The following MCHR2 variants were observed in gnomAD, a reference collection of about 807,000 sequenced individuals.
MCHR2 encodes the protein melanin concentrating hormone receptor 2, also known as melanin-concentrating hormone receptor 2.
In MCHR2, 15 loss-of-function variants were observed where a neutral mutation model predicts 24.8. The ratio of observed to expected loss-of-function variants is 0.60; its 90% CI spans 0.40 to 0.93. MCHR2 has a LOEUF of 0.93. Ranked by LOEUF, MCHR2 falls within the 40% of genes least tolerant of loss-of-function variation. The pLI is 0.00. For synonymous variants in MCHR2, 151 were observed against 147.6 expected, an observed-to-expected ratio of 1.02 and a Z score of -0.17; for missense variants, 386 against 408.7, an observed-to-expected ratio of 0.94 and a Z score of 0.48.
chr6:99,927,576 G>A (rs1582368640), intron 5 of MCHR2, among the ~76,000 whole-genome samples: 1 of 152,002 alleles, frequency 6.6e-6, no homozygotes, highest in Non-Finnish European at 1.5e-5. Context: ...GGATTCCTAG[G>A]TATTTTATTC....
chr6:99,926,128 TCCAATTTCATC>T (rs1333872185), intron 5 of MCHR2, among the ~76,000 whole-genome samples: 2 of 152,150 alleles, frequency 1.3e-5, no homozygotes, highest in African/African-American at 4.8e-5. Context: ...AATGATGATT[TCCAATTTCATC>T]CATGTCCCTA....
At chr6:99,924,069 T>C (rs1301264844) in intron 5 of MCHR2, among the ~76,000 whole-genome samples, 3 of 152,128 alleles carry the variant, frequency 2.0e-5, no homozygotes, top group Non-Finnish European at 4.4e-5. Context: ...CTTTTAATTA[T>C]GGCTTTGATC....
At chr6:99,960,942 G>C (rs914983368) in intron 1 of MCHR2, among the ~76,000 whole-genome samples, 1 of 151,952 alleles carries the variant, frequency 6.6e-6, no homozygotes, top group Non-Finnish European at 1.5e-5. Context: ...TGACTAAAAT[G>C]CCAAAAGCAA....
chr6:99,938,944 C>T (rs1396697360), intron 4 of MCHR2, among the ~76,000 whole-genome samples: 2 of 151,838 alleles, frequency 1.3e-5, no homozygotes, highest in African/African-American at 4.8e-5. Context: ...ATATAGTGAC[C>T]TTCTTTGTCT....
chr6:99,980,454 G>A (rs1158553448), intron 1 of MCHR2, among the ~76,000 whole-genome samples: 1 of 152,150 alleles, frequency 6.6e-6, no homozygotes, highest in African/African-American at 2.4e-5. Context: ...TAATTCTATA[G>A]AACTATGGTT....
rs201240762 is a variant in MCHR2 at position 99,993,979 on chromosome 6, C to A, written c.-71G>T. 4 of 152,212 alleles carry A rather than the reference C, an allele frequency of 2.6e-5. No individual in the cohort carries two copies. Among genetic ancestry groups the A allele is most frequent in the Admixed American group, 2.0e-4 (3 of 15,284 alleles). The allele number at this position is 152,212 out of a possible 1,614,324, so 9.4% of individuals were successfully genotyped here. On this transcript the variant is annotated 5_prime_UTR_variant, in exon 1 of 6. Transcript: ENST00000281806. ...CCCGCGCGGCGGACAGCCCGGGCGC[C>A]CTTCCTCTCTGCGGGACTGCAGGTC...
chr6:99,929,194 T>C (rs143448843), intron 5 of MCHR2, among the ~76,000 whole-genome samples: 1 of 152,224 alleles, frequency 6.6e-6, no homozygotes, highest in South Asian at 2.1e-4. Flanking sequence ...TGCACTGTGG[T>C]CTGAGAGACA....
chr6:99,993,889 G>GC (rs1160618012), intron 1 of MCHR2, 47 bp downstream of exon 1: 1 of 151,870 alleles, frequency 6.6e-6, no homozygotes, highest in African/African-American at 2.4e-5. Context: ...CCTGGGGCGC[G>GC]CCCACGCCAG....
chr6:99,969,934 G>A lies in MCHR2; in HGVS notation c.-27-13760C>T, dbSNP rs559515489. On this transcript the variant is annotated intron_variant, in intron 1 of 5. Transcript: ENST00000281806. ...GCATAGTATTCCATGGTGTATATGT[G>A]CCACATTTTCTTAATCCAGTCTATC... 8.9e-5 allele frequency among the ~76,000 whole-genome samples: 13 copies of A among 146,408 alleles called. No homozygotes were observed. The East Asian group carries it at 2.2e-3, about 25-fold the overall frequency.
intron 5 of MCHR2, among the ~76,000 whole-genome samples, chr6:99,924,344 T>TA (rs979729290): frequency 2.6e-5 from 4 of 151,936 alleles, no homozygotes; most frequent in Non-Finnish European, 5.9e-5. Context: ...TGTTTAACTT[T>TA]AAAAAAAATC....
chr6:99,984,266 C>T lies in MCHR2; in HGVS notation c.-28+9670G>A, dbSNP rs200923803. Reference sequence around the variant, plus strand: ...TTTTTATTTTTATTTATTTATTTTTCTTTATTATTATACTTTAAGTTTTAG... The same window carrying T: ...TTTTTATTTTTATTTATTTATTTTTTTTTATTATTATACTTTAAGTTTTAG... On this transcript the variant is annotated intron_variant, in intron 1 of 5. Coordinates refer to ENST00000281806, the MANE Select transcript of MCHR2 (RefSeq NM_001040179.2). 2.2e-4 allele frequency among the ~76,000 whole-genome samples: 31 copies of T among 144,014 alleles called. 1 individual carries two copies. Among genetic ancestry groups the T allele is most frequent in the East Asian group, 4.0e-4 (2 of 5,048 alleles). 94.5% of individuals were successfully genotyped at this position (144,014 alleles called of 152,430 possible). A position where few individuals can be genotyped will look rare whatever the true frequency, so the allele number is the denominator to read the frequency against.
chr6:99,953,967 G>A (rs1367494882), intron 2 of MCHR2, among the ~76,000 whole-genome samples: 2 of 151,990 alleles, frequency 1.3e-5, no homozygotes, highest in African/African-American at 4.8e-5. Context: ...TTGAGAGAGG[G>A]CTGGCTGATG....
chr6:99,937,493 T>C (rs1208292563), intron 4 of MCHR2, among the ~76,000 whole-genome samples: 1 of 152,110 alleles, frequency 6.6e-6, no homozygotes, highest in Non-Finnish European at 1.5e-5. Flanking sequence ...GTGCTGTTAA[T>C]GTGATGTATC....
At chr6:99,927,601 G>C (rs1269391993) in intron 5 of MCHR2, among the ~76,000 whole-genome samples, 1 of 151,984 alleles carries the variant, frequency 6.6e-6, no homozygotes, top group Non-Finnish European at 1.5e-5. Context: ...TGAAGCAATT[G>C]TGAATGGGAG....
chr6:99,960,949 G>C (rs1303229136), intron 1 of MCHR2, among the ~76,000 whole-genome samples: 1 of 152,082 alleles, frequency 6.6e-6, no homozygotes, highest in Non-Finnish European at 1.5e-5. Flanking sequence ...AATGCCAAAA[G>C]CAATGGCAAC....
intron 1 of MCHR2, among the ~76,000 whole-genome samples, chr6:99,963,925 A>G (rs756870754): frequency 1.2e-4 from 19 of 152,172 alleles, no homozygotes; most frequent in Admixed American, 2.0e-4. Context: ...CTATCTATAC[A>G]AACCTATAAA....
chr6:99,974,732 G>A (rs1288008502), intron 1 of MCHR2, among the ~76,000 whole-genome samples: 1 of 152,138 alleles, frequency 6.6e-6, no homozygotes, highest in African/African-American at 2.4e-5. Context: ...ATACAGAAGG[G>A]TTTTTGGTGT....
At chr6:99,924,737 GT>G (rs1335229700) in intron 5 of MCHR2, among the ~76,000 whole-genome samples, 1 of 151,970 alleles carries the variant, frequency 6.6e-6, no homozygotes, top group African/African-American at 2.4e-5. Flanking sequence ...TTGATTTACA[GT>G]TTTATTCTAT....
At chr6:99,933,130 A>T (rs1774580875) in intron 5 of MCHR2, among the ~76,000 whole-genome samples, 1 of 152,148 alleles carries the variant, frequency 6.6e-6, no homozygotes, top group Non-Finnish European at 1.5e-5. Context: ...TCCCTGGGAC[A>T]TGGGGGTAAC....
Sources: gnomAD v4.1 joint callset for allele counts (sites outside exome capture counted in the v4.1 genomes callset) on GRCh38, gnomAD v4.1.1 for gene constraint, MANE v1.5 for transcripts, NCBI Gene and HGNC (gene_info 2026-07-23, HGNC 2026-07-21) for gene names.